SLC5A4: variants seen among roughly 807,000 people sequenced by gnomAD.
The protein encoded by SLC5A4 is solute carrier family 5 member 4.
A neutral mutation model predicts 70.3 loss-of-function variants in SLC5A4; 55 were observed. That is an observed-to-expected ratio of 0.78 (90% CI 0.63 to 0.98). SLC5A4 has a LOEUF of 0.98. Among genes scored for constraint, SLC5A4 ranks in the 50% least tolerant of loss-of-function variants. The pLI, the probability that SLC5A4 is intolerant of heterozygous loss-of-function variation, is 0.00. For missense variants in SLC5A4, 735 were observed against 839.2 expected, an observed-to-expected ratio of 0.88 and a Z score of 1.53; for synonymous variants, 268 against 305.7, an observed-to-expected ratio of 0.88 and a Z score of 1.29.
Position 32,252,890 on chromosome 22 carries a change from G to A in SLC5A4, c.208-1016C>T, listed in dbSNP as rs1927253484. The stretch of plus-strand genomic sequence containing the variant: ...CTTGAGTGGACGTAGATGAGCACCA[G>A]TCCTAGCAGAAGAGAATTGGGGTGT... On this transcript the variant is annotated intron_variant, in intron 2 of 14. Coordinates refer to ENST00000266086, the MANE Select transcript of SLC5A4 (RefSeq NM_014227.3). 2.0e-5 allele frequency among the ~76,000 whole-genome samples: 3 copies of A among 152,130 alleles called. No homozygotes were observed. The South Asian group carries it at 6.2e-4, about 32-fold the overall frequency.
chr22:32,324,145 T>C, the SLC5A4 span, among the ~76,000 whole-genome samples: 1 of 150,056 alleles, frequency 6.7e-6, no homozygotes, highest in East Asian at 2.0e-4. Flanking sequence ...CGCTATGGCA[T>C]TGACGCGGCT....
the SLC5A4 span, among the ~76,000 whole-genome samples, chr22:32,311,870 C>A: frequency 6.6e-6 from 1 of 152,160 alleles, no homozygotes; most frequent in Non-Finnish European, 1.5e-5. Context: ...TGTGCCCTGG[C>A]TGGGGATCAC....
the SLC5A4 span, among the ~76,000 whole-genome samples, chr22:32,264,469 G>A: frequency 6.6e-6 from 1 of 152,012 alleles, no homozygotes; most frequent in Non-Finnish European, 1.5e-5. Context: ...CAGCTTCTTG[G>A]GAGGCTCAGG....
At chr22:32,311,531 G>A in the SLC5A4 span, among the ~76,000 whole-genome samples, 5 of 152,216 alleles carry the variant, frequency 3.3e-5, no homozygotes, top group East Asian at 1.9e-4. Context: ...TCTGTGGGTG[G>A]ATGTTACGGG....
chr22:32,309,511 C>T, the SLC5A4 span, among the ~76,000 whole-genome samples: 1 of 152,132 alleles, frequency 6.6e-6, no homozygotes, highest in African/African-American at 2.4e-5. Context: ...CTTGTCACTA[C>T]CCTGCATCTT....
rs1926397098 is a variant in SLC5A4, at chr22:32,239,687, A to AC, written c.478-598_478-597insG. Among the ~76,000 whole-genome samples the AC allele has an allele frequency of 2.1e-5, 3 of 141,600 alleles. No individual in the cohort carries two copies. The South Asian group carries it at 6.6e-4, about 31-fold the overall frequency. The allele number at this position is 141,600 out of a possible 152,430, so 92.9% of individuals were successfully genotyped here. On this transcript the variant is annotated intron_variant, in intron 5 of 14. Coordinates refer to ENST00000266086, the MANE Select transcript of SLC5A4 (RefSeq NM_014227.3). ...GTACTATAAAATTTATTAAGGGCAA[A>AC]ACCACAATTACTTTTGCACCAACCT...
intron 13 of SLC5A4, among the ~76,000 whole-genome samples, chr22:32,222,094 C>A (rs1925125873): frequency 6.6e-6 from 1 of 152,222 alleles, no homozygotes; most frequent in Non-Finnish European, 1.5e-5. Flanking sequence ...CTATCATATT[C>A]TAAGTTATAC....
the SLC5A4 span, among the ~76,000 whole-genome samples, chr22:32,325,177 A>G: frequency 6.6e-6 from 1 of 152,346 alleles, no homozygotes; most frequent in South Asian, 2.1e-4. Context: ...GCCTTCCAAT[A>G]AGCCAAAACT....
chr22:32,267,044 T>C, the SLC5A4 span, among the ~76,000 whole-genome samples: 17 of 152,260 alleles, frequency 1.1e-4, no homozygotes, highest in Non-Finnish European at 7.3e-5. Context: ...ATTAGCTCCA[T>C]TCATAACAAT....
rs1040354706 is a variant in SLC5A4 at position 32,238,514 on chromosome 22, G to A, written c.583+471C>T. On this transcript the variant is annotated intron_variant, in intron 6 of 14. Transcript: ENST00000266086. ...TACCTGGTTCATGAGAGCCTGCTTG[G>A]ACTATTGTCACAGATCGTCTCCCGC... Among the ~76,000 whole-genome samples the A allele has an allele frequency of 2.0e-5, 3 of 152,110 alleles. No individual in the cohort carries two copies. The South Asian group carries it at 6.2e-4, about 32-fold the overall frequency.
At chr22:32,287,655 C>CT in the SLC5A4 span, among the ~76,000 whole-genome samples, 42 of 146,328 alleles carry the variant, frequency 2.9e-4, no homozygotes, top group Admixed American at 1.2e-3. Context: ...TTTTCTTTTT[C>CT]TTTTTTTTTC....
the SLC5A4 span, among the ~76,000 whole-genome samples, chr22:32,316,264 T>TAA: frequency 5.3e-5 from 8 of 151,916 alleles, no homozygotes; most frequent in Non-Finnish European, 1.0e-4. Flanking sequence ...ACCATAATTT[T>TAA]AAAAAAAGGA....
chr22:32,334,160 C>T, the SLC5A4 span, among the ~76,000 whole-genome samples: 1,027 of 151,626 alleles, frequency 6.8e-3, 11 homozygotes, highest in Non-Finnish European at 9.9e-3. Flanking sequence ...ACACCCCATG[C>T]CACACAGACA....
the SLC5A4 span, among the ~76,000 whole-genome samples, chr22:32,317,630 T>A: frequency 6.6e-6 from 1 of 152,220 alleles, no homozygotes; most frequent in African/African-American, 2.4e-5. Flanking sequence ...ACCCAGCTAA[T>A]TAAATAAAAA....
chr22:32,219,464 G>T (rs1054483213), intron 14 of SLC5A4, among the ~76,000 whole-genome samples: 1 of 151,606 alleles, frequency 6.6e-6, no homozygotes, highest in Admixed American at 6.6e-5. Flanking sequence ...TATTTAAAAA[G>T]AAATGATAAT....
intron 2 of SLC5A4, among the ~76,000 whole-genome samples, chr22:32,252,467 T>A (rs1319602457): frequency 6.6e-6 from 1 of 152,212 alleles, no homozygotes; most frequent in Non-Finnish European, 1.5e-5. Context: ...ATTGTATGAT[T>A]CAAATTTCAT....
In SLC5A4 at chr22:32,218,908, G is replaced by A. The variant is rs190828586; in HGVS notation, c.1769-183C>T. On this transcript the variant is annotated intron_variant, in intron 14 of 14. Coordinates refer to ENST00000266086, the MANE Select transcript of SLC5A4 (RefSeq NM_014227.3). ...AAAACAGGCGACTTTTGCATGGCAC[G>A]AAGTTCAATAAACAAAGTAAAAACA... Among the ~76,000 whole-genome samples, 7 of 152,194 alleles carry A rather than the reference G, an allele frequency of 4.6e-5. No individual in the cohort carries two copies. In the East Asian group the frequency reaches 9.6e-4, roughly 21 times the overall value.
At chr22:32,244,511 G>A (rs1478500429) in intron 5 of SLC5A4, among the ~76,000 whole-genome samples, 1 of 152,160 alleles carries the variant, frequency 6.6e-6, no homozygotes, top group Non-Finnish European at 1.5e-5. Context: ...AAAATTGTAT[G>A]TAAGTAGTTG....
chr22:32,271,572 G>A, the SLC5A4 span: 72 of 700,972 alleles, frequency 1.0e-4, no homozygotes, highest in South Asian at 2.9e-4. Context: ...GGTCGGGCCC[G>A]GGGCCGCGTG....
Sources: gnomAD v4.1 joint callset for allele counts (sites outside exome capture counted in the v4.1 genomes callset) on GRCh38, gnomAD v4.1.1 for gene constraint, MANE v1.5 for transcripts, NCBI Gene and HGNC (gene_info 2026-07-23, HGNC 2026-07-21) for gene names.